Variants in MED14 observed in about 807,000 individuals in gnomAD.
MED14 encodes the protein mediator complex subunit 14.
Under a neutral mutation model 109.0 loss-of-function variants are expected in MED14, and 8 were observed. The ratio of observed to expected loss-of-function variants is 0.07; its 90% CI spans 0.04 to 0.13. The LOEUF (loss-of-function observed/expected upper bound fraction) is 0.13. Ranked by LOEUF, MED14 falls within the 10% of genes least tolerant of loss-of-function variation. The pLI is 1.00. For missense variants in MED14, 711 were observed against 1,142.4 expected (o/e 0.62, Z 5.44); for synonymous variants, 399 against 408.7 (o/e 0.98, Z 0.29).
At chrX:40,710,228 G>T in intron 8 of MED14, 99 bp from the exon 9 acceptor site, 1 of 469,450 alleles carries the variant, frequency 2.1e-6, no homozygotes, top group Non-Finnish European at 3.4e-6. Flanking sequence ...CCACAGCCTG[G>T]AATACGGCAG....
At chrX:40,667,919 C>G (rs1337176935) in intron 23 of MED14, among the ~76,000 whole-genome samples, 1 of 111,337 alleles carries the variant, frequency 9.0e-6, no homozygotes, top group Non-Finnish European at 1.9e-5. Flanking sequence ...ACTCGAAGAG[C>G]TTCGGCCCAA....
chrX:40,722,774 G>A (rs148191803), intron 3 of MED14, among the ~76,000 whole-genome samples: 3,115 of 111,452 alleles, frequency 0.028, 40 homozygotes, highest in Non-Finnish European at 0.043. Context: ...TTTGGTAGGA[G>A]ACTTTTCAGT....
chrX:40,672,323 A>G (rs1212564008), intron 22 of MED14, among the ~76,000 whole-genome samples: 1 of 111,931 alleles, frequency 8.9e-6, no homozygotes, highest in African/African-American at 3.2e-5. Flanking sequence ...CCACACTTTA[A>G]TATCTCTAAA....
At chrX:40,709,939 T>TTCA in intron 9 of MED14, 40 bp downstream of exon 9, 1 of 978,904 alleles carries the variant, frequency 1.0e-6, no homozygotes, top group Non-Finnish European at 1.4e-6. Flanking sequence ...GCAAGTTACA[T>TTCA]TCATTTAAAC....
chrX:40,662,406 A>G (rs1929318002), intron 26 of MED14, among the ~76,000 whole-genome samples: 1 of 110,294 alleles, frequency 9.1e-6, no homozygotes, highest in Non-Finnish European at 1.9e-5. Context: ...AATTTTTTGT[A>G]GAGAGAGGGT....
chrX:40,670,527 C>T (rs996823549), intron 23 of MED14, among the ~76,000 whole-genome samples: 4 of 110,265 alleles, frequency 3.6e-5, no homozygotes, highest in African/African-American at 1.3e-4. Context: ...TTTGGGAGGC[C>T]GAGGCGGGTG....
At chrX:40,704,847 G>A (rs76902522) in intron 10 of MED14, among the ~76,000 whole-genome samples, 2 of 111,276 alleles carry the variant, frequency 1.8e-5, no homozygotes, top group Non-Finnish European at 3.8e-5. Context: ...TTTTTTGAGC[G>A]CTGACATGAT....
intron 2 of MED14, among the ~76,000 whole-genome samples, chrX:40,728,534 T>TA (rs760328833): frequency 2.3e-3 from 230 of 100,560 alleles, no homozygotes; most frequent in Middle Eastern, 5.3e-3. Flanking sequence ...TGATTTGGTA[T>TA]AAAAAAAAAA....
rs1050699805 is a variant in MED14, at chrX:40,662,859, C to G, written c.3684+66G>C. On this transcript the variant is annotated intron_variant, in intron 26 of 30. Transcript: ENST00000324817. ...AATGTCACGTTAGTTCAGATCCTAT[C>G]CTGCAGGACAATTTAGCATTTTACC... is the stretch of plus-strand genomic sequence containing the variant. The G allele has an allele frequency of 3.6e-6, 3 of 836,955 alleles. No homozygotes were observed. The Admixed American group carries it at 8.4e-5, about 23-fold the overall frequency. 69.0% of individuals were successfully genotyped at this position (836,955 alleles called of 1,213,427 possible).
intron 1 of MED14, among the ~76,000 whole-genome samples, chrX:40,729,696 T>C (rs1028374041): frequency 3.6e-5 from 4 of 112,043 alleles, no homozygotes; most frequent in African/African-American, 1.3e-4. Flanking sequence ...GCAGAAGAAC[T>C]TACTACTTGG....
At position 40,692,798 on chromosome X, in the gene MED14, T is replaced by C. The variant is rs1175754671; in HGVS notation, c.1755A>G (p.Ala585=). Reference sequence around the variant, plus strand: ...TTTCCTTGAACTGCTGCAGCAGCAATGCCATTGCAGGGCTGTCTTCACGAT... The same window carrying C: ...TTTCCTTGAACTGCTGCAGCAGCAACGCCATTGCAGGGCTGTCTTCACGAT... The part of the protein sequence containing the change: ...AADREDSPAM[A]LLLQQFKENI... The change falls in exon 14 of 31, where the codon GCA becomes GCG. Residue 585 remains alanine, a synonymous_variant. Coordinates refer to ENST00000324817, the MANE Select transcript of MED14 (RefSeq NM_004229.4). 3.3e-6 allele frequency: 4 copies of C among 1,208,407 alleles called. No individual in the cohort carries two copies. The highest frequency in any genetic ancestry group is 3.0e-5 in the East Asian group (1 of 33,703).
At chrX:40,659,798 G>C (rs937938429) in intron 26 of MED14, 191 bp from the exon 27 acceptor site, 1 of 368,416 alleles carries the variant, frequency 2.7e-6, no homozygotes, top group Non-Finnish European at 4.6e-6. Flanking sequence ...CCTCTTGATG[G>C]AAGAACATAA....
chrX:40,721,203 A>C (rs914411473), intron 3 of MED14, among the ~76,000 whole-genome samples: 1 of 111,280 alleles, frequency 9.0e-6, no homozygotes. Context: ...GGGGTCCCCA[A>C]GTCCAGGCCT....
chrX:40,696,820 C>A (rs1930741672), intron 13 of MED14, among the ~76,000 whole-genome samples: 2 of 111,657 alleles, frequency 1.8e-5, no homozygotes, highest in African/African-American at 6.5e-5. Context: ...ACAGGACAGA[C>A]CCTAGAGTGA....
intron 1 of MED14, 130 bp downstream of exon 1, chrX:40,735,068 T>G: frequency 2.4e-6 from 1 of 409,413 alleles, no homozygotes; most frequent in Non-Finnish European, 3.9e-6. Context: ...ACCCCAGGAG[T>G]TCAAAAATTC....
chrX:40,716,912 A>G (rs959676313), intron 3 of MED14, among the ~76,000 whole-genome samples: 1 of 112,161 alleles, frequency 8.9e-6, no homozygotes, highest in Non-Finnish European at 1.9e-5. Flanking sequence ...CCAGGCACAG[A>G]AAGACAAGTA....
intron 19 of MED14, 34 bp from the exon 20 acceptor site, chrX:40,680,944 A>G: frequency 1.1e-6 from 1 of 938,429 alleles, no homozygotes; most frequent in Non-Finnish European, 1.5e-6. Context: ...TCAGAAACTG[A>G]GAAAGTAACA....
chrX:40,668,616 C>T (rs1050782488), intron 23 of MED14, among the ~76,000 whole-genome samples: 1 of 111,391 alleles, frequency 9.0e-6, no homozygotes, highest in African/African-American at 3.3e-5. Flanking sequence ...CAGCATGTTT[C>T]AAATTCTCTA....
intron 26 of MED14, 114 bp from the exon 27 acceptor site, chrX:40,659,721 G>T: frequency 9.1e-6 from 6 of 657,435 alleles, no homozygotes; most frequent in Non-Finnish European, 1.3e-5. Context: ...CAAAACAAAG[G>T]CACCTACAGC....
Sources: allele counts gnomAD v4.1 joint callset (sites outside exome capture counted in the v4.1 genomes callset), GRCh38; gene constraint gnomAD v4.1.1; transcripts MANE v1.5; gene names NCBI Gene and HGNC (gene_info 2026-07-23, HGNC 2026-07-21).